ZNF584: variants seen among roughly 807,000 people sequenced by gnomAD.
ZNF584 encodes zinc finger protein 584.
Under a neutral mutation model 14.7 loss-of-function variants are expected in ZNF584, and 12 were observed. The observed-to-expected ratio is 0.82, with a 90% CI of 0.52 to 1.32. The LOEUF is 1.32. ZNF584 is among the 40% of genes most tolerant of loss of function. The probability of loss-of-function intolerance (pLI) is 0.00; values close to 1 mark genes in which losing one functional copy is unlikely to be tolerated. For synonymous variants in ZNF584, 204 were observed against 190.9 expected, an observed-to-expected ratio of 1.07 and a Z score of -0.57; for missense variants, 478 against 518.8, an observed-to-expected ratio of 0.92 and a Z score of 0.76.
At chr19:58,402,731 G>T (rs2052439329) in intron 1 of ZNF584, among the ~76,000 whole-genome samples, 1 of 149,826 alleles carries the variant, frequency 6.7e-6, no homozygotes, top group Admixed American at 6.7e-5. Flanking sequence ...CTGACAGGCA[G>T]GAGAATCGCT....
In ZNF584 at chr19:58,410,581, A is replaced by ATATG. The variant is rs1555785567; in HGVS notation, c.169+491_169+492insATGT. 5.0e-4 allele frequency among the ~76,000 whole-genome samples: 14 copies of ATATG among 27,902 alleles called. 2 individuals are homozygous for ATATG. The highest frequency in any genetic ancestry group is 1.7e-3 in the Admixed American group (5 of 2,994). The allele number at this position is 27,902 out of a possible 152,430, so 18.3% of individuals were successfully genotyped here. A position where few individuals can be genotyped will look rare whatever the true frequency, so the allele number is the denominator to read the frequency against. On this transcript the variant is annotated intron_variant, in intron 2 of 3. Coordinates refer to ENST00000306910, the MANE Select transcript of ZNF584 (RefSeq NM_173548.3). The stretch of plus-strand genomic sequence containing the variant: ...TATGTGTATATATATATGTATATAT[A>ATATG]TGTATATATATGTATATATATGTAT...
upstream of ZNF584, chr19:58,405,293 CGG>C (rs2052461035): frequency 9.9e-6 from 1 of 100,734 alleles, no homozygotes; most frequent in African/African-American, 4.6e-5. Context: ...CCCTCCCGGA[CGG>C]AGCGGCTGGC....
At position 58,408,719 on chromosome 19, in the gene ZNF584, C is replaced by T; in HGVS notation, c.-429C>T. The T allele has an allele frequency of 5.9e-6, 1 of 169,176 alleles. No individual in the cohort carries two copies. The highest frequency in any genetic ancestry group is 1.3e-5 in the Non-Finnish European group (1 of 79,048). 10.5% of individuals were successfully genotyped at this position (169,176 alleles called of 1,614,324 possible). ...AGGTCGTGGCGTGAGGGGCGCCGAG[C>T]GAGGGGAGGCGCGGGCCACGGGAGT... On this transcript the variant is annotated 5_prime_UTR_variant, in exon 1 of 4. Coordinates refer to ENST00000306910, the MANE Select transcript of ZNF584 (RefSeq NM_173548.3).
Position 58,416,897 on chromosome 19 carries a change from G to A in ZNF584, c.379G>A (p.Glu127Lys), listed in dbSNP as rs866780188. 2 of 1,611,906 alleles carry A rather than the reference G, an allele frequency of 1.2e-6. No individual in the cohort carries two copies. Among genetic ancestry groups the A allele is most frequent in the Non-Finnish European group, 8.5e-7 (1 of 1,178,850 alleles). Reference sequence around the variant, plus strand: ...CATCCAGCACCAGGACACTCATAGTGAGGGGAAACCAAGAAGGCACACTGA... The same window carrying A: ...CATCCAGCACCAGGACACTCATAGTAAGGGGAAACCAAGAAGGCACACTGA... The part of the protein sequence containing the change: ...RVIQHQDTHS[E>K]GKPRRHTEHG... The change falls in exon 4 of 4, where the codon GAG (glutamate) becomes AAG (lysine). Residue 127 changes from glutamate to lysine, a missense_variant. Coordinates refer to ENST00000306910, the MANE Select transcript of ZNF584 (RefSeq NM_173548.3).
chr19:58,410,064 G>C lies in ZNF584; in HGVS notation c.142G>C (p.Glu48Gln). The part of the protein sequence containing the change: ...QKGLYRDVML[E>Q]NFALVSSLGL... The stretch of plus-strand genomic sequence containing the variant: ...GGGCCTATACCGGGATGTGATGCTG[G>C]AGAACTTTGCACTCGTTAGCTCACT... The change falls in exon 2 of 4, where the codon GAG becomes CAG. Residue 48 changes from glutamate to glutamine, a missense_variant. Physicochemically the swap from Glu to Gln is conservative, Grantham distance 29 (BLOSUM62 2). Around this residue, in one of 3 missense-constraint regions of ZNF584, gnomAD observed 189 missense variants for 177.9 expected, o/e 1.06. Transcript: ENST00000306910. 6.2e-7 allele frequency: 1 copy of C among 1,613,082 alleles called. No individual in the cohort carries two copies. The highest frequency in any genetic ancestry group is 8.5e-7 in the Non-Finnish European group (1 of 1,179,566).
intron 2 of ZNF584, among the ~76,000 whole-genome samples, chr19:58,410,778 ATTTTTTTTTTTTTTT>A (rs869150389): frequency 6.7e-4 from 6 of 8,950 alleles, no homozygotes; most frequent in African/African-American, 3.7e-3. Flanking sequence ...TATATATATA[ATTTTTTTTTTTTTTT>A]TTTTTTTTTT....
intron 2 of ZNF584, among the ~76,000 whole-genome samples, chr19:58,412,237 CTG>C (rs1207721265): frequency 8.2e-6 from 1 of 121,804 alleles, no homozygotes; most frequent in East Asian, 2.2e-4. Flanking sequence ...GAGTCTCGCT[CTG>C]TCGCCCAGGC....
At chr19:58,414,858 T>G (rs1384385576) in intron 2 of ZNF584, among the ~76,000 whole-genome samples, 2 of 151,460 alleles carry the variant, frequency 1.3e-5, no homozygotes, top group Non-Finnish European at 2.9e-5. Flanking sequence ...TATGTCAGTT[T>G]TGCTTCATAG....
intron 2 of ZNF584, among the ~76,000 whole-genome samples, chr19:58,410,778 ATTTTTTTTTTTTTTTT>A (rs869150389): frequency 1.1e-4 from 1 of 8,946 alleles, no homozygotes; most frequent in Non-Finnish European, 1.7e-4. Flanking sequence ...TATATATATA[ATTTTTTTTTTTTTTTT>A]TTTTTTTTTT....
chr19:58,410,546 T>TTTTTTTTTTTTTTTTTTTTTTAGAC (rs1568584382), intron 2 of ZNF584, among the ~76,000 whole-genome samples: 1 of 62,540 alleles, frequency 1.6e-5, no homozygotes, highest in Non-Finnish European at 2.7e-5. Flanking sequence ...TATATATATA[T>TTTTTTTTTTTTTTTTTTTTTTAGAC]ATATATATAT....
At chr19:58,409,268 AG>A in intron 1 of ZNF584, 103 bp downstream of exon 1, 1 of 1,277,642 alleles carries the variant, frequency 7.8e-7, no homozygotes, top group Non-Finnish European at 1.0e-6. Context: ...GTATGATTCC[AG>A]GGGGAGGTCT....
rs780486119 is a variant in ZNF584, at chr19:58,415,914, T to C, written c.292+268T>C. 3 of 1,598,962 alleles carry C rather than the reference T, an allele frequency of 1.9e-6. No individual in the cohort carries two copies. The South Asian group carries it at 3.3e-5, about 18-fold the overall frequency. ...TACTGTTGGCGACTCAGTGCGTGTC[T>C]TGAAATGTGCACATATCCTTAAACA... On this transcript the variant is annotated intron_variant, in intron 3 of 3. Transcript: ENST00000306910.
At chr19:58,415,920 T>C (rs542212190) in intron 3 of ZNF584, 2 of 1,598,826 alleles carry the variant, frequency 1.3e-6, no homozygotes, top group East Asian at 2.2e-5. Context: ...TGTCTTGAAA[T>C]GTGCACATAT....
chr19:58,409,289 G>A, intron 1 of ZNF584, 124 bp downstream of exon 1: 1 of 1,152,812 alleles, frequency 8.7e-7, no homozygotes, highest in Non-Finnish European at 1.1e-6. Flanking sequence ...TTTGATGCAC[G>A]GCTGGGGCAT....
In ZNF584 at chr19:58,410,099, T is replaced by C. The variant is rs2052524737; in HGVS notation, c.169+8T>C. 1.9e-6 allele frequency: 3 copies of C among 1,600,374 alleles called. No individual in the cohort carries two copies. The highest frequency in any genetic ancestry group is 2.6e-6 in the Non-Finnish European group (3 of 1,173,262). ...CACTCGTTAGCTCACTGGGTAAGTC[T>C]CTTACACTGTCCCCCAGCACACTGA... On this transcript the variant is annotated splice_region_variant and intron_variant, in intron 2 of 3. Transcript: ENST00000306910.
At position 58,410,569 on chromosome 19, in the gene ZNF584, A is replaced by G. The variant is rs1471036719; in HGVS notation, c.169+478A>G. The stretch of plus-strand genomic sequence containing the variant: ...TATATATATATATATGTGTATATAT[A>G]TATGTATATATATGTATATATATGT... On this transcript the variant is annotated intron_variant, in intron 2 of 3. Coordinates refer to ENST00000306910, the MANE Select transcript of ZNF584 (RefSeq NM_173548.3). Among the ~76,000 whole-genome samples the G allele has an allele frequency of 4.3e-3, 30 of 6,906 alleles. 1 individual carries two copies. Among genetic ancestry groups the G allele is most frequent in the African/African-American group, 0.014 (19 of 1,400 alleles). 4.5% of individuals were successfully genotyped at this position (6,906 alleles called of 152,430 possible). A position where few individuals can be genotyped will look rare whatever the true frequency, so the allele number is the denominator to read the frequency against.
chr19:58,402,143 C>G (rs138298940), intron 1 of ZNF584, among the ~76,000 whole-genome samples: 28 of 152,304 alleles, frequency 1.8e-4, no homozygotes, highest in Non-Finnish European at 3.2e-4. Flanking sequence ...TTGATCCACT[C>G]TAACCCCACA....
intron 2 of ZNF584, among the ~76,000 whole-genome samples, chr19:58,414,704 A>G (rs1391020281): frequency 6.6e-6 from 1 of 152,044 alleles, no homozygotes; most frequent in Non-Finnish European, 1.5e-5. Flanking sequence ...GCACGTGACA[A>G]TGTATATCCT....
Position 58,417,244 on chromosome 19 carries a change from T to C in ZNF584, c.726T>C (p.Phe242=), listed in dbSNP as rs2052655755. The change falls in exon 4 of 4, where the codon TTT becomes TTC. Residue 242 remains phenylalanine, a synonymous_variant. Transcript: ENST00000306910. ...HQKVHTGIKP[F]KCSDCGKTFN... ...AGGTTCACACAGGCATAAAACCTTT[T>C]AAGTGTAGTGACTGTGGTAAAACCT... 3 of 1,613,974 alleles carry C rather than the reference T, an allele frequency of 1.9e-6. No individual in the cohort carries two copies. The highest frequency in any genetic ancestry group is 2.5e-6 in the Non-Finnish European group (3 of 1,180,038).
Sources: allele counts gnomAD v4.1 joint callset (sites outside exome capture counted in the v4.1 genomes callset), GRCh38; gene constraint gnomAD v4.1.1; regional missense constraint gnomAD v4.1.1; transcripts MANE v1.5; gene names NCBI Gene and HGNC (gene_info 2026-07-23, HGNC 2026-07-21).